RRN3: variants seen among roughly 807,000 people sequenced by gnomAD.
The protein encoded by RRN3 is RNA polymerase I transcription factor RRN3.
In RRN3, 38 loss-of-function variants were observed where a neutral mutation model predicts 82.3. The observed-to-expected ratio is 0.46, with a 90% CI of 0.36 to 0.61. The LOEUF (loss-of-function observed/expected upper bound fraction) is 0.61, where lower values mean the gene tolerates loss of function less well. Among genes scored for constraint, RRN3 ranks in the 20% least tolerant of loss-of-function variants. The pLI is 0.00. For missense variants in RRN3, 726 were observed against 793.1 expected, an observed-to-expected ratio of 0.92 and a Z score of 1.02; for synonymous variants, 284 against 284.3, an observed-to-expected ratio of 1.00 and a Z score of 0.01.
At chr16:15,088,826 G>C (rs906130363) in intron 3 of RRN3, among the ~76,000 whole-genome samples, 6 of 152,136 alleles carry the variant, frequency 3.9e-5, no homozygotes, top group African/African-American at 1.4e-4. Flanking sequence ...GGGGGGCCTT[G>C]TAAACCAGAT....
intron 12 of RRN3, 63 bp downstream of exon 12, chr16:15,072,887 T>G: frequency 1.3e-6 from 2 of 1,572,312 alleles, no homozygotes. Flanking sequence ...CCCCAGTTTT[T>G]AGGGAAAATT....
At chr16:15,061,949 C>A (rs1400893643) in intron 17 of RRN3, 44 bp from the exon 18 acceptor site, 2 of 1,554,826 alleles carry the variant, frequency 1.3e-6, no homozygotes, top group Non-Finnish European at 1.8e-6. Context: ...CCAGTGCTGA[C>A]TGAAAAGCTT....
chr16:15,061,918 C>T lies in RRN3; in HGVS notation c.1795-13G>A. 1 of 1,601,644 alleles carries T rather than the reference C, an allele frequency of 6.2e-7. No individual in the cohort carries two copies. Among genetic ancestry groups the T allele is most frequent in the African/African-American group, 1.3e-5 (1 of 74,914 alleles). ...CTTCCACTATGTCCTGCAGAAACATCAGAAATCATCAGTAACATCACCAGT... is the reference window on the plus strand; with the variant it reads ...CTTCCACTATGTCCTGCAGAAACATTAGAAATCATCAGTAACATCACCAGT... On this transcript the variant is annotated splice_polypyrimidine_tract_variant and intron_variant, in intron 17 of 17. Transcript: ENST00000198767.
intron 12 of RRN3, 141 bp from the exon 13 acceptor site, chr16:15,071,392 C>T: frequency 1.2e-6 from 1 of 811,172 alleles, no homozygotes; most frequent in Non-Finnish European, 1.9e-6. Flanking sequence ...ATTTTTAAAA[C>T]ACATTGAGAG....
Position 15,090,682 on chromosome 16 carries a change from A to T in RRN3, c.252+633T>A, listed in dbSNP as rs527966331. On this transcript the variant is annotated intron_variant, in intron 3 of 17. Transcript: ENST00000198767. ...AAAATAGAGGCAGAGAGGTTAAAACAATTTGCTCAAGATCACACACTGGAT... is the reference window on the plus strand; with the variant it reads ...AAAATAGAGGCAGAGAGGTTAAAACTATTTGCTCAAGATCACACACTGGAT... Among the ~76,000 whole-genome samples, 207 of 152,330 alleles carry T rather than the reference A, an allele frequency of 1.4e-3. 1 individual carries two copies. The highest frequency in any genetic ancestry group is 4.6e-3 in the African/African-American group (190 of 41,578).
intron 10 of RRN3, among the ~76,000 whole-genome samples, chr16:15,076,116 C>A (rs969026844): frequency 6.6e-6 from 1 of 152,192 alleles, no homozygotes; most frequent in Non-Finnish European, 1.5e-5. Context: ...CTGCCCTCTT[C>A]TGCTCCCTGA....
chr16:15,089,284 C>G (rs1296823030), intron 3 of RRN3, among the ~76,000 whole-genome samples: 2 of 151,928 alleles, frequency 1.3e-5, no homozygotes, highest in African/African-American at 2.4e-5. Context: ...GAGCAAGACT[C>G]TGTTCTGCCC....
chr16:15,072,060 G>C (rs2045255531), intron 12 of RRN3, among the ~76,000 whole-genome samples: 1 of 152,112 alleles, frequency 6.6e-6, no homozygotes, highest in South Asian at 2.1e-4. Context: ...GAAAAAAACA[G>C]ACACAGCTTC....
chr16:15,088,391 T>C (rs529949137), intron 3 of RRN3, among the ~76,000 whole-genome samples: 6 of 152,126 alleles, frequency 3.9e-5, no homozygotes, highest in Non-Finnish European at 7.4e-5. Context: ...TGCTTGAGCC[T>C]GGGAGGTTGA....
intron 8 of RRN3, among the ~76,000 whole-genome samples, chr16:15,080,399 T>C (rs538924293): frequency 2.0e-4 from 30 of 152,310 alleles, no homozygotes; most frequent in African/African-American, 6.7e-4. Flanking sequence ...TTTTAATATA[T>C]TCAGTTATGA....
In RRN3 at chr16:15,089,319, A is replaced by C. The variant is rs367947812; in HGVS notation, c.252+1996T>G. Among the ~76,000 whole-genome samples, 3 of 152,084 alleles carry C rather than the reference A, an allele frequency of 2.0e-5. No individual in the cohort carries two copies. In the East Asian group the frequency reaches 5.8e-4, roughly 29 times the overall value. ...CGTCCCCAAAAACGAAAATGAAATA[A>C]GTCTGGAGCCCACAAGAGCAATCTT... On this transcript the variant is annotated intron_variant, in intron 3 of 17. Coordinates refer to ENST00000198767, the MANE Select transcript of RRN3 (RefSeq NM_018427.5).
At chr16:15,093,449 T>G (rs547629915) in intron 1 of RRN3, among the ~76,000 whole-genome samples, 2 of 152,322 alleles carry the variant, frequency 1.3e-5, no homozygotes, top group East Asian at 3.9e-4. Context: ...TATTGGCCTA[T>G]GTACTGCCTT....
chr16:15,065,202 T>C lies in RRN3; in HGVS notation c.1706+17A>G, dbSNP rs1394205154. The C allele has an allele frequency of 5.1e-6, 8 of 1,571,750 alleles. No individual in the cohort carries two copies. Among genetic ancestry groups the C allele is most frequent in the Non-Finnish European group, 6.9e-6 (8 of 1,162,488 alleles). On this transcript the variant is annotated intron_variant, in intron 16 of 17. Transcript: ENST00000198767. ...AAAAATCCACCTCCTCCAGCGTCAA[T>C]GTTTAAAAGTACCTACCTCTTCAGC...
rs779591243 is a variant in RRN3, at chr16:15,083,586, T to G, written c.597-4A>C. The G allele has an allele frequency of 1.3e-6, 2 of 1,597,864 alleles. No homozygotes were observed. Among genetic ancestry groups the G allele is most frequent in the Non-Finnish European group, 1.7e-6 (2 of 1,175,562 alleles). ...TGGCATGAGAAACCACGGTGTCCTA[T>G]TTTTAAAAAATTAAATCAATCCATG... is the stretch of plus-strand genomic sequence containing the variant. On this transcript the variant is annotated splice_polypyrimidine_tract_variant and splice_region_variant and intron_variant, in intron 7 of 17. Transcript: ENST00000198767.
intron 13 of RRN3, among the ~76,000 whole-genome samples, chr16:15,070,734 G>C (rs532159234): frequency 4.6e-5 from 7 of 151,994 alleles, no homozygotes; most frequent in South Asian, 4.1e-4. Flanking sequence ...GAAGAAACTG[G>C]CCTCCTAGAT....
chr16:15,083,490 T>A (rs1184787211), intron 8 of RRN3, 23 bp downstream of exon 8: 4 of 1,608,040 alleles, frequency 2.5e-6, no homozygotes, highest in Non-Finnish European at 3.4e-6. Flanking sequence ...TTCCATGATG[T>A]TCTCAATGAA....
intron 9 of RRN3, among the ~76,000 whole-genome samples, chr16:15,079,085 C>T (rs2045587343): frequency 6.6e-6 from 1 of 152,152 alleles, no homozygotes; most frequent in African/African-American, 2.4e-5. Context: ...GCTGGGATTA[C>T]ATGCGTGAGC....
rs1351033455 is a variant in RRN3, at chr16:15,094,025, T to C, written c.89+120A>G. The C allele has an allele frequency of 3.9e-5, 33 of 856,248 alleles. No homozygotes were observed. The East Asian group carries it at 8.2e-4, about 21-fold the overall frequency. The allele number at this position is 856,248 out of a possible 1,614,324, so 53.0% of individuals were successfully genotyped here. A position where few individuals can be genotyped will look rare whatever the true frequency, so the allele number is the denominator to read the frequency against. On this transcript the variant is annotated intron_variant, in intron 1 of 17. Coordinates refer to ENST00000198767, the MANE Select transcript of RRN3 (RefSeq NM_018427.5). ...CATTTCTGTGAACGTGAGATGACCC[T>C]CCACCCCGTGCTCCTATCACACGCC...
rs1435295992 is a variant in RRN3 at position 15,068,129 on chromosome 16, AT to A, written c.1553+39del. The A allele has an allele frequency of 4.7e-6, 7 of 1,482,542 alleles. No individual in the cohort carries two copies. The South Asian group carries it at 7.5e-5, about 16-fold the overall frequency. The allele number at this position is 1,482,542 out of a possible 1,614,324, so 91.8% of individuals were successfully genotyped here. A position where few individuals can be genotyped will look rare whatever the true frequency, so the allele number is the denominator to read the frequency against. On this transcript the variant is annotated intron_variant, in intron 15 of 17. Coordinates refer to ENST00000198767, the MANE Select transcript of RRN3 (RefSeq NM_018427.5). ...ATACTAGATAAACATAAATAAAAATATTTTAAATAACTCCCATCAAGAAAGC... is the reference window on the plus strand; with the variant it reads ...ATACTAGATAAACATAAATAAAAATATTTAAATAACTCCCATCAAGAAAGC...
Sources: allele counts gnomAD v4.1 joint callset (sites outside exome capture counted in the v4.1 genomes callset), GRCh38; gene constraint gnomAD v4.1.1; transcripts MANE v1.5; gene names NCBI Gene and HGNC (gene_info 2026-07-23, HGNC 2026-07-21).